ACVRL1: variants seen among roughly 807,000 people sequenced by gnomAD.
The protein encoded by ACVRL1 is activin receptor type-1-like.
A neutral mutation model predicts 51.9 loss-of-function variants in ACVRL1; 20 were observed. The observed-to-expected ratio is 0.39, with a 90% confidence interval of 0.27 to 0.56. ACVRL1 has a LOEUF of 0.56. Ranked by LOEUF, ACVRL1 falls within the 20% of genes least tolerant of loss-of-function variation. The pLI is 0.67. For missense variants in ACVRL1, 451 were observed against 670.3 expected (o/e 0.67, Z 3.61); for synonymous variants, 288 against 280.9 (o/e 1.03, Z -0.25).
Position 51,917,443 on chromosome 12 carries a change from G to A in ACVRL1, c.1246+1210G>A, listed in dbSNP as rs1940866376. On this transcript the variant is annotated intron_variant, in intron 8 of 9. Transcript: ENST00000388922. This position sits in a 1 kb window ranked among gnomAD's most constrained non-coding sequence, Gnocchi z 4.2. ...TCAGCCCTGGAGTGGACGGAGGATA[G>A]GTGGGTCGTCTAGACTGGTGGGAGC... Among the ~76,000 whole-genome samples, 1 of 152,228 alleles carries A rather than the reference G, an allele frequency of 6.6e-6. No individual in the cohort carries two copies. The highest frequency in any genetic ancestry group is 2.1e-4 in the South Asian group (1 of 4,826).
Position 51,917,455 on chromosome 12 carries a change from A to T in ACVRL1, c.1246+1222A>T, listed in dbSNP as rs184940767. On this transcript the variant is annotated intron_variant, in intron 8 of 9. Transcript: ENST00000388922. The surrounding 1 kb of genome is among the most constrained non-coding windows in gnomAD (Gnocchi z 4.2). ...TGGACGGAGGATAGGTGGGTCGTCT[A>T]GACTGGTGGGAGCATTGTCAACCTT... 1.3e-5 allele frequency among the ~76,000 whole-genome samples: 2 copies of T among 152,322 alleles called. No individual in the cohort carries two copies. The highest frequency in any genetic ancestry group is 3.9e-4 in the East Asian group (2 of 5,172).
At chr12:51,914,116 C>T (rs1343085024) in intron 5 of ACVRL1, 43 bp downstream of exon 5, 1 of 1,592,000 alleles carries the variant, frequency 6.3e-7, no homozygotes, top group Non-Finnish European at 8.6e-7. Context: ...CAAGGGCTCT[C>T]ATGAGCCTGG....
intron 1 of ACVRL1, among the ~76,000 whole-genome samples, chr12:51,912,147 T>C (rs1031226380): frequency 6.6e-6 from 1 of 152,092 alleles, no homozygotes; most frequent in African/African-American, 2.4e-5. Flanking sequence ...TCTACCCCAA[T>C]TGGGTGCTCC....
chr12:51,914,719 T>A (rs571790293), intron 6 of ACVRL1, 134 bp downstream of exon 6: 48 of 187,910 alleles, frequency 2.6e-4, no homozygotes, highest in Non-Finnish European at 3.3e-4. Flanking sequence ...CCTCTTTTTT[T>A]AATTTAATTT....
intron 1 of ACVRL1, among the ~76,000 whole-genome samples, chr12:51,909,061 A>G (rs1388391442): frequency 6.6e-6 from 1 of 152,228 alleles, no homozygotes; most frequent in East Asian, 1.9e-4. Flanking sequence ...ACTGAAGTGC[A>G]GAGTGAGTCC....
At chr12:51,909,131 C>T (rs1221036780) in intron 1 of ACVRL1, among the ~76,000 whole-genome samples, 1 of 152,162 alleles carries the variant, frequency 6.6e-6, no homozygotes, top group Admixed American at 6.5e-5. Flanking sequence ...CTGTGCTGAG[C>T]CACTGCCGTT....
Position 51,916,130 on chromosome 12 carries a change from G to A in ACVRL1, c.1143G>A (p.Leu381=), listed in dbSNP as rs1248328403. 7 of 1,614,028 alleles carry A rather than the reference G, an allele frequency of 4.3e-6. No individual in the cohort carries two copies. The highest frequency in any genetic ancestry group is 5.9e-6 in the Non-Finnish European group (7 of 1,179,896). Residue 381 remains leucine, a synonymous_variant, in exon 8 of 10, where the codon CTG becomes CTA. Transcript: ENST00000388922. The part of the protein sequence containing the change: ...GTKRYMAPEV[L]DEQIRTDCFE... ...AGCGGTACATGGCACCCGAGGTGCT[G>A]GACGAGCAGATCCGCACGGACTGCT...
rs898565562 is a variant in ACVRL1 at position 51,917,617 on chromosome 12, T to C, written c.1247-1368T>C. On this transcript the variant is annotated intron_variant, in intron 8 of 9. Transcript: ENST00000388922. The surrounding 1 kb of genome is among the most constrained non-coding windows in gnomAD (Gnocchi z 4.2). The stretch of plus-strand genomic sequence containing the variant: ...GAGCATCTACCAGGAGCCAGCCCCA[T>C]GCCAGACTTCATTTGTCCTCGGTGG... Among the ~76,000 whole-genome samples, 3 of 152,078 alleles carry C rather than the reference T, an allele frequency of 2.0e-5. No individual in the cohort carries two copies. Among genetic ancestry groups the C allele is most frequent in the Non-Finnish European group, 2.9e-5 (2 of 68,012 alleles).
intron 8 of ACVRL1, among the ~76,000 whole-genome samples, chr12:51,918,703 A>T (rs1026937373): frequency 2.0e-5 from 3 of 152,218 alleles, no homozygotes; most frequent in African/African-American, 7.2e-5. Context: ...AAATGGAGGT[A>T]ATACTAGTAC....
Position 51,913,668 on chromosome 12 carries a change from G to T in ACVRL1, c.423G>T (p.Trp141Cys). 3 of 1,609,690 alleles carry T rather than the reference G, an allele frequency of 1.9e-6. No individual in the cohort carries two copies. Among genetic ancestry groups the T allele is most frequent in the Non-Finnish European group, 2.5e-6 (3 of 1,179,988 alleles). The part of the protein sequence containing the change: ...ALVALGVLGL[W>C]HVRRRQEKQR... ...TGGCCCTGGGTGTCCTGGGCCTGTGGCATGTCCGACGGAGGCAGGAGAAGC... is the reference window on the plus strand; with the variant it reads ...TGGCCCTGGGTGTCCTGGGCCTGTGTCATGTCCGACGGAGGCAGGAGAAGC... The change falls in exon 4 of 10, where the codon TGG (tryptophan) becomes TGT (cysteine). Residue 141 changes from tryptophan (W) to cysteine (C), a missense_variant. Coordinates refer to ENST00000388922, the MANE Select transcript of ACVRL1 (RefSeq NM_000020.3).
chr12:51,909,444 T>A (rs1195203019), intron 1 of ACVRL1, among the ~76,000 whole-genome samples: 3 of 152,062 alleles, frequency 2.0e-5, no homozygotes, highest in Non-Finnish European at 4.4e-5. Flanking sequence ...CAGTGAGCTA[T>A]GATTGCACCA....
intron 8 of ACVRL1, 21 bp downstream of exon 8, chr12:51,916,254 G>A: frequency 6.2e-7 from 1 of 1,611,804 alleles, no homozygotes; most frequent in Non-Finnish European, 8.5e-7. Flanking sequence ...ACCCTACACA[G>A]GGTAGGGAAA....
intron 5 of ACVRL1, 134 bp from the exon 6 acceptor site, chr12:51,914,305 A>G (rs1043977343): frequency 1.5e-6 from 2 of 1,373,352 alleles, no homozygotes; most frequent in East Asian, 2.5e-5. Flanking sequence ...TTGGGTCTGG[A>G]TTAAGTTAAA....
Position 51,920,942 on chromosome 12 carries a change from G to C in ACVRL1, c.*49G>C. 1 of 629,042 alleles carries C rather than the reference G, an allele frequency of 1.6e-6. No homozygotes were observed. The highest frequency in any genetic ancestry group is 2.9e-6 in the Non-Finnish European group (1 of 341,658). 39.0% of individuals were successfully genotyped at this position (629,042 alleles called of 1,614,324 possible). A position where few individuals can be genotyped will look rare whatever the true frequency, so the allele number is the denominator to read the frequency against. On this transcript the variant is annotated 3_prime_UTR_variant, in exon 10 of 10. Coordinates refer to ENST00000388922, the MANE Select transcript of ACVRL1 (RefSeq NM_000020.3). The stretch of plus-strand genomic sequence containing the variant: ...TGCCTGCAGGGGGCTGGGGGGGTGG[G>C]GGGCAGTGGATGGTGCCCTATCTGG...
intron 9 of ACVRL1, 180 bp downstream of exon 9, chr12:51,919,295 C>T: frequency 3.4e-6 from 3 of 879,458 alleles, no homozygotes; most frequent in Non-Finnish European, 5.2e-6. Context: ...CCCCCAGGGC[C>T]ATCTGGTCAT....
chr12:51,913,296 C>A lies in ACVRL1; in HGVS notation c.259C>A (p.His87Asn). 1 of 1,610,478 alleles carries A rather than the reference C, an allele frequency of 6.2e-7. No homozygotes were observed. Among genetic ancestry groups the A allele is most frequent in the African/African-American group, 1.3e-5 (1 of 74,982 alleles). The change falls in exon 3 of 10, where the codon CAC becomes AAC. Residue 87 changes from histidine (H) to asparagine (N), a missense_variant. By Grantham distance (68) the His-to-Asn change is moderately conservative. Transcript: ENST00000388922. ...GGGGCGCCCCACCGAGTTCGTCAACCACTACTGCTGCGACAGCCACCTCTG... is the reference window on the plus strand; with the variant it reads ...GGGGCGCCCCACCGAGTTCGTCAACAACTACTGCTGCGACAGCCACCTCTG... ...CRGRPTEFVN[H>N]YCCDSHLCNH...
chr12:51,913,692 G>T lies in ACVRL1; in HGVS notation c.447G>T (p.Lys149Asn). The change falls in exon 4 of 10, where the codon AAG (lysine) becomes AAT (asparagine). Residue 149 changes from lysine to asparagine, a missense_variant. Around this residue, in one of 2 missense-constraint regions of ACVRL1, gnomAD observed 192 missense variants for 216.9 expected, o/e 0.89. Coordinates refer to ENST00000388922, the MANE Select transcript of ACVRL1 (RefSeq NM_000020.3). ...GLWHVRRRQE[K>N]QRGLHSELGE... ...GGCATGTCCGACGGAGGCAGGAGAA[G>T]CAGCGTGGCCTGCACAGCGAGCTGG... 6.2e-7 allele frequency: 1 copy of T among 1,611,358 alleles called. No homozygotes were observed.
chr12:51,913,970 C>T lies in ACVRL1; in HGVS notation c.526-4C>T, dbSNP rs1377798329. Reference sequence around the variant, plus strand: ...GCCTCTCAGTGGCCTCTCCGTACCCCCAGGACCTCCTGGACAGTGACTGCA... The same window carrying T: ...GCCTCTCAGTGGCCTCTCCGTACCCTCAGGACCTCCTGGACAGTGACTGCA... On this transcript the variant is annotated splice_polypyrimidine_tract_variant and splice_region_variant and intron_variant, in intron 4 of 9. Coordinates refer to ENST00000388922, the MANE Select transcript of ACVRL1 (RefSeq NM_000020.3). 16 of 1,612,862 alleles carry T rather than the reference C, an allele frequency of 9.9e-6. No homozygotes were observed. The highest frequency in any genetic ancestry group is 1.4e-5 in the Non-Finnish European group (16 of 1,179,612).
rs767390407 is a variant in ACVRL1, at chr12:51,916,249, A to G, written c.1246+16A>G. 1.9e-6 allele frequency: 3 copies of G among 1,612,608 alleles called. No homozygotes were observed. The highest frequency in any genetic ancestry group is 3.3e-5 in the Admixed American group (2 of 59,872). The stretch of plus-strand genomic sequence containing the variant: ...ATCGTGAATGGTGAGGGCCCACCCT[A>G]CACAGGGTAGGGAAAGGGGAATCAG... On this transcript the variant is annotated intron_variant, in intron 8 of 9. Coordinates refer to ENST00000388922, the MANE Select transcript of ACVRL1 (RefSeq NM_000020.3).
Sources: gnomAD v4.1 joint callset for allele counts (sites outside exome capture counted in the v4.1 genomes callset) on GRCh38, gnomAD v4.1.1 for gene constraint, gnomAD v4.1.1 regional missense constraint, Gnocchi (gnomAD v3.1) non-coding constraint, MANE v1.5 for transcripts, NCBI Gene and HGNC (gene_info 2026-07-23, HGNC 2026-07-21) for gene names.